The following PTPRQ variants were observed in gnomAD, a reference collection of about 807,000 sequenced individuals.
The protein encoded by PTPRQ is protein tyrosine phosphatase receptor type Q.
Under a neutral mutation model 246.0 loss-of-function variants are expected in PTPRQ, and 199 were observed. That is an observed-to-expected ratio of 0.81 (90% CI 0.72 to 0.91). PTPRQ has a LOEUF of 0.91. PTPRQ is among the 40% of genes least tolerant of loss of function. The pLI, the probability that PTPRQ is intolerant of heterozygous loss-of-function variation, is 0.00. For synonymous variants in PTPRQ, 869 were observed against 853.2 expected (o/e 1.02, Z -0.32); for missense variants, 2,624 against 2,528.4 (o/e 1.04, Z -0.81).
chr12:80,486,847 A>T (rs1017375569), intron 9 of PTPRQ, among the ~76,000 whole-genome samples: 1 of 152,130 alleles, frequency 6.6e-6, no homozygotes, highest in Non-Finnish European at 1.5e-5. Flanking sequence ...TTGTGTTCTT[A>T]TCTCCTTCAA....
At chr12:80,569,295 C>A (rs1371743923) in intron 25 of PTPRQ, among the ~76,000 whole-genome samples, 1 of 145,388 alleles carries the variant, frequency 6.9e-6, no homozygotes. Context: ...GTGAACTCAT[C>A]ATTTTTTATG....
In PTPRQ at chr12:80,652,726, A is replaced by G; in HGVS notation, c.6025-18A>G. The G allele has an allele frequency of 6.7e-7, 1 of 1,489,214 alleles. No homozygotes were observed. Among genetic ancestry groups the G allele is most frequent in the Non-Finnish European group, 8.9e-7 (1 of 1,123,454 alleles). The allele number at this position is 1,489,214 out of a possible 1,614,324, so 92.3% of individuals were successfully genotyped here. A position where few individuals can be genotyped will look rare whatever the true frequency, so the allele number is the denominator to read the frequency against. ...TACCTCTGATAAATGTAAACTTTGTAATGACTTTATTTTACAGGAATTACC... is the reference window on the plus strand; with the variant it reads ...TACCTCTGATAAATGTAAACTTTGTGATGACTTTATTTTACAGGAATTACC... On this transcript the variant is annotated intron_variant, in intron 37 of 44. Coordinates refer to ENST00000644991, the MANE Select transcript of PTPRQ (RefSeq NM_001145026.2).
At position 80,484,464 on chromosome 12, in the gene PTPRQ, A is replaced by C; in HGVS notation, c.1218A>C (p.Ala406=). 1.9e-6 allele frequency: 3 copies of C among 1,550,616 alleles called. No individual in the cohort carries two copies. Among genetic ancestry groups the C allele is most frequent in the Non-Finnish European group, 2.6e-6 (3 of 1,146,640 alleles). ...GGGCAGTGTTTGATTTACAACTTGC[A>C]GAGGTAGAATCCACGCAAGTAAGAA... ...VPGAVFDLQL[A]EVESTQVRIT... is the part of the protein sequence containing the mutation. The change falls in exon 9 of 45, where the codon GCA becomes GCC. Residue 406 remains alanine (A), a synonymous_variant. Transcript: ENST00000644991.
intron 33 of PTPRQ, among the ~76,000 whole-genome samples, chr12:80,623,913 G>C (rs1008251700): frequency 1.3e-5 from 2 of 152,100 alleles, no homozygotes; most frequent in Admixed American, 1.3e-4. Context: ...CTGCTAAATG[G>C]CTTCTCTCTG....
At chr12:80,615,116 T>G (rs1214235503) in intron 29 of PTPRQ, among the ~76,000 whole-genome samples, 1 of 150,998 alleles carries the variant, frequency 6.6e-6, no homozygotes, top group African/African-American at 2.4e-5. Context: ...TTTTCACTTA[T>G]TATTTCACTT....
chr12:80,616,642 TTGAC>T (rs1398507267), intron 30 of PTPRQ, among the ~76,000 whole-genome samples: 1 of 151,226 alleles, frequency 6.6e-6, no homozygotes, highest in African/African-American at 2.4e-5. Context: ...ATTAGATTGT[TTGAC>T]TGATTTTTAT....
In PTPRQ at chr12:80,497,369, C is replaced by G. The variant is rs536335442; in HGVS notation, c.2272+838C>G. 2.1e-3 allele frequency among the ~76,000 whole-genome samples: 317 copies of G among 152,002 alleles called. 3 individuals carry two copies. The highest frequency in any genetic ancestry group is 7.1e-3 in the African/African-American group (296 of 41,496). On this transcript the variant is annotated intron_variant, in intron 14 of 44. Transcript: ENST00000644991. ...TGGGCAATTCACAATAGAGTTTGCG[C>G]TCCAATGAAAATCTAATGTCGACAC...
chr12:80,515,566 G>T (rs999000020), intron 17 of PTPRQ, among the ~76,000 whole-genome samples: 1 of 151,608 alleles, frequency 6.6e-6, no homozygotes, highest in Admixed American at 6.6e-5. Flanking sequence ...GATTACAGGT[G>T]CCCATTACCA....
intron 6 of PTPRQ, among the ~76,000 whole-genome samples, chr12:80,461,520 G>A (rs923620986): frequency 4.0e-5 from 6 of 151,522 alleles, no homozygotes; most frequent in Non-Finnish European, 8.8e-5. Context: ...TACTATATCA[G>A]TATTCATGTA....
Position 80,679,173 on chromosome 12 carries a change from G to C in PTPRQ, c.*150G>C, listed in dbSNP as rs1901240588. 2.3e-6 allele frequency: 2 copies of C among 888,430 alleles called. No homozygotes were observed. Among genetic ancestry groups the C allele is most frequent in the Non-Finnish European group, 3.2e-6 (2 of 634,766 alleles). 55.0% of individuals were successfully genotyped at this position (888,430 alleles called of 1,614,324 possible). A position where few individuals can be genotyped will look rare whatever the true frequency, so the allele number is the denominator to read the frequency against. Reference sequence around the variant, plus strand: ...TTTCCAAACGGATTGAACATTTTAAGACTAGTTCTTGAAAATAGCTAATAC... The same window carrying C: ...TTTCCAAACGGATTGAACATTTTAACACTAGTTCTTGAAAATAGCTAATAC... On this transcript the variant is annotated 3_prime_UTR_variant, in exon 45 of 45. Transcript: ENST00000644991.
intron 35 of PTPRQ, among the ~76,000 whole-genome samples, chr12:80,635,847 G>A (rs1899627248): frequency 6.6e-6 from 1 of 152,042 alleles, no homozygotes; most frequent in Non-Finnish European, 1.5e-5. Flanking sequence ...ATGCTTATAA[G>A]CACAAAGTAG....
chr12:80,627,754 A>G (rs555578513), intron 33 of PTPRQ, among the ~76,000 whole-genome samples: 2 of 152,132 alleles, frequency 1.3e-5, no homozygotes, highest in Non-Finnish European at 2.9e-5. Flanking sequence ...CACCTACTAC[A>G]AAAAGAAACA....
intron 30 of PTPRQ, among the ~76,000 whole-genome samples, chr12:80,616,757 A>G (rs979959401): frequency 6.6e-6 from 1 of 151,196 alleles, no homozygotes; most frequent in Non-Finnish European, 1.5e-5. Flanking sequence ...TCAATTCATG[A>G]TTCTGGCAAG....
chr12:80,564,946 A>T (rs1896934215), intron 25 of PTPRQ, among the ~76,000 whole-genome samples: 1 of 152,200 alleles, frequency 6.6e-6, no homozygotes, highest in African/African-American at 2.4e-5. Context: ...TACATTTATA[A>T]TGTGAGTATA....
At chr12:80,561,840 G>A (rs1361897508) in intron 25 of PTPRQ, among the ~76,000 whole-genome samples, 1 of 152,060 alleles carries the variant, frequency 6.6e-6, no homozygotes, top group African/African-American at 2.4e-5. Flanking sequence ...CAATGAAAGA[G>A]GACACCCTTG....
Position 80,542,085 on chromosome 12 carries a change from A to G in PTPRQ, c.3446-4A>G, listed in dbSNP as rs1487678124. On this transcript the variant is annotated splice_polypyrimidine_tract_variant and splice_region_variant and intron_variant, in intron 21 of 44. Transcript: ENST00000644991. ...TCATTTAATATTCTCTTTTTCTTTT[A>G]TAGTCCCAGAAACTTCACCAATAAT... 6 of 1,535,130 alleles carry G rather than the reference A, an allele frequency of 3.9e-6. No individual in the cohort carries two copies. The highest frequency in any genetic ancestry group is 5.2e-6 in the Non-Finnish European group (6 of 1,143,162).
chr12:80,609,443 T>A (rs1898464517), intron 27 of PTPRQ, among the ~76,000 whole-genome samples: 1 of 150,598 alleles, frequency 6.6e-6, no homozygotes, highest in South Asian at 2.1e-4. Flanking sequence ...GTTTTAAGTG[T>A]TTCAATTAAG....
At chr12:80,542,982 G>A (rs534299955) in intron 23 of PTPRQ, 101 bp downstream of exon 23, 18 of 839,548 alleles carry the variant, frequency 2.1e-5, no homozygotes, top group Middle Eastern at 7.6e-4. Context: ...ATTAAACAAT[G>A]ACTATTTTTT....
intron 37 of PTPRQ, 74 bp downstream of exon 37, chr12:80,649,743 A>C: frequency 1.4e-6 from 2 of 1,476,994 alleles, no homozygotes; most frequent in South Asian, 2.9e-5. Context: ...TGTCCATTTT[A>C]AGCAAGCAAG....
Sources: gnomAD v4.1 joint callset for allele counts (sites outside exome capture counted in the v4.1 genomes callset) on GRCh38, gnomAD v4.1.1 for gene constraint, MANE v1.5 for transcripts, NCBI Gene and HGNC (gene_info 2026-07-23, HGNC 2026-07-21) for gene names.